Variants in SNRK observed in about 807,000 individuals in gnomAD.
SNRK encodes the protein SNF related kinase, also known as SNF-related serine/threonine-protein kinase.
SNRK carries 3 observed loss-of-function variants against 48.2 expected under a neutral mutation model. That is an observed-to-expected ratio of 0.06 (90% CI 0.03 to 0.16). The LOEUF is 0.16. SNRK is among the 10% of genes least tolerant of loss of function. The probability of loss-of-function intolerance (pLI) is 1.00; values close to 1 mark genes in which losing one functional copy is unlikely to be tolerated. For synonymous variants in SNRK, 376 were observed against 366.1 expected (o/e 1.03, Z -0.31); for missense variants, 627 against 976.0 (o/e 0.64, Z 4.76).
At chr3:43,310,138 C>T (rs1575540029) in intron 3 of SNRK, among the ~76,000 whole-genome samples, 1 of 152,026 alleles carries the variant, frequency 6.6e-6, no homozygotes, top group African/African-American at 2.4e-5. Flanking sequence ...AGCTGTATTT[C>T]GTGTCTAATC....
At chr3:43,341,867 T>C (rs1315035018) in intron 5 of SNRK, among the ~76,000 whole-genome samples, 1 of 152,244 alleles carries the variant, frequency 6.6e-6, no homozygotes, top group African/African-American at 2.4e-5. Context: ...GAAAGGTTTA[T>C]AAAAATAAAC....
intron 3 of SNRK, among the ~76,000 whole-genome samples, chr3:43,307,685 A>ATC (rs145070630): frequency 0.01 from 1,577 of 150,464 alleles, 25 homozygotes; most frequent in African/African-American, 0.035. Context: ...CCATTCCCCC[A>ATC]TCTCTCTCTC....
rs369553155 is a variant in SNRK, at chr3:43,326,480, G to C, written c.590-5689G>C. On this transcript the variant is annotated intron_variant, in intron 3 of 6. Transcript: ENST00000296088. The stretch of plus-strand genomic sequence containing the variant: ...TGCTCAACAGAAGGCCCTATTCTGT[G>C]CTCAAGGAGCTCCAAGTATTGGAGG... 7.9e-5 allele frequency among the ~76,000 whole-genome samples: 12 copies of C among 152,228 alleles called. No individual in the cohort carries two copies. The South Asian group carries it at 2.5e-3, about 32-fold the overall frequency.
intron 1 of SNRK, among the ~76,000 whole-genome samples, chr3:43,293,215 G>A (rs984604076): frequency 1.3e-5 from 2 of 152,084 alleles, no homozygotes; most frequent in African/African-American, 4.8e-5. Context: ...TGATCAGCCT[G>A]CCTCAGCTTC....
chr3:43,288,436 T>C (rs935756856), intron 1 of SNRK, among the ~76,000 whole-genome samples: 13 of 152,288 alleles, frequency 8.5e-5, no homozygotes, highest in African/African-American at 3.1e-4. Flanking sequence ...GTCTTTATGG[T>C]TTAGATTTAA....
At chr3:43,343,542 T>C in intron 6 of SNRK, 64 bp downstream of exon 6, 1 of 1,553,902 alleles carries the variant, frequency 6.4e-7, no homozygotes, top group Non-Finnish European at 8.8e-7. Context: ...ACTTTTTTTT[T>C]TTTTTTTAAT....
intron 1 of SNRK, among the ~76,000 whole-genome samples, chr3:43,291,333 C>T (rs1334595696): frequency 6.6e-6 from 1 of 152,140 alleles, no homozygotes; most frequent in African/African-American, 2.4e-5. Flanking sequence ...GAGAAAAGAA[C>T]ACCTCTTTTT....
intron 3 of SNRK, among the ~76,000 whole-genome samples, chr3:43,307,718 T>A (rs2090949209): frequency 6.6e-6 from 1 of 152,150 alleles, no homozygotes; most frequent in Admixed American, 6.5e-5. Flanking sequence ...TCTCTCTTCT[T>A]GGGCTTCCCT....
chr3:43,348,613 T>G lies in SNRK; in HGVS notation c.*56T>G. 6.9e-7 allele frequency: 1 copy of G among 1,452,280 alleles called. No individual in the cohort carries two copies. Among genetic ancestry groups the G allele is most frequent in the Non-Finnish European group, 9.0e-7 (1 of 1,105,450 alleles). The allele number at this position is 1,452,280 out of a possible 1,614,324, so 90.0% of individuals were successfully genotyped here. On this transcript the variant is annotated 3_prime_UTR_variant, in exon 7 of 7. Coordinates refer to ENST00000296088, the MANE Select transcript of SNRK (RefSeq NM_017719.5). ...CCTGCTCAGAGCAGTGAAGACCGGC[T>G]CACTTCACTGTTCCATTTGGTTTTA... is the stretch of plus-strand genomic sequence containing the variant.
chr3:43,310,778 C>T (rs1184959136), intron 3 of SNRK, among the ~76,000 whole-genome samples: 1 of 152,140 alleles, frequency 6.6e-6, no homozygotes, highest in African/African-American at 2.4e-5. Context: ...GACTAATTTT[C>T]TTTGTAGAAC....
chr3:43,289,914 C>T (rs1244349855), intron 1 of SNRK: 4 of 152,630 alleles, frequency 2.6e-5, no homozygotes, highest in African/African-American at 9.7e-5. Context: ...GTTCATCTAA[C>T]ATGTTTTAAG....
intron 3 of SNRK, among the ~76,000 whole-genome samples, chr3:43,318,617 CAAAA>C (rs1478932815): frequency 2.7e-5 from 4 of 150,212 alleles, no homozygotes; most frequent in Non-Finnish European, 5.9e-5. Context: ...GTTTGCAAGA[CAAAA>C]AAATCAGCAT....
At chr3:43,315,792 C>T (rs146468576) in intron 3 of SNRK, among the ~76,000 whole-genome samples, 30 of 152,288 alleles carry the variant, frequency 2.0e-4, no homozygotes, top group Admixed American at 7.2e-4. Context: ...TGTCAAGAAA[C>T]GAACAACGTA....
At chr3:43,315,497 T>G (rs1469255451) in intron 3 of SNRK, among the ~76,000 whole-genome samples, 1 of 152,198 alleles carries the variant, frequency 6.6e-6, no homozygotes, top group Non-Finnish European at 1.5e-5. Context: ...TTATATTACT[T>G]CCTCTTGTAC....
intron 3 of SNRK, among the ~76,000 whole-genome samples, chr3:43,324,508 CAAAA>C (rs11299310): frequency 6.2e-5 from 6 of 96,428 alleles, no homozygotes; most frequent in Admixed American, 9.9e-5. Flanking sequence ...GACTCTGTCT[CAAAA>C]AAAAAAAAAA....
rs78517457 is a variant in SNRK at position 43,302,372 on chromosome 3, G to A, written c.-106-726G>A. ...CCTCCTAAACATTTTGGAAAAAGTT[G>A]CATTTCAAAATTTAATAAGACAGTT... On this transcript the variant is annotated intron_variant, in intron 2 of 6. Transcript: ENST00000296088. Among the ~76,000 whole-genome samples, 1,378 of 152,246 alleles carry A rather than the reference G, an allele frequency of 9.1e-3. 9 individuals carry two copies. Among genetic ancestry groups the A allele is most frequent in the Non-Finnish European group, 0.015 (1,026 of 68,010 alleles).
intron 2 of SNRK, among the ~76,000 whole-genome samples, chr3:43,301,735 CTG>C (rs1251976999): frequency 3.9e-5 from 6 of 152,034 alleles, no homozygotes; most frequent in Non-Finnish European, 7.4e-5. Context: ...AAATGTGAAA[CTG>C]TATATTGAGA....
chr3:43,288,269 A>T (rs562004918), intron 1 of SNRK, among the ~76,000 whole-genome samples: 1 of 152,244 alleles, frequency 6.6e-6, no homozygotes, highest in South Asian at 2.1e-4. Flanking sequence ...TCAGTTTTTA[A>T]TTGTTCATTT....
chr3:43,298,110 T>G (rs1188788539), intron 1 of SNRK, among the ~76,000 whole-genome samples: 2 of 152,160 alleles, frequency 1.3e-5, no homozygotes, highest in Non-Finnish European at 2.9e-5. Flanking sequence ...TTTACCTATA[T>G]TAAGTCGTTT....
Sources: allele counts gnomAD v4.1 joint callset (sites outside exome capture counted in the v4.1 genomes callset), GRCh38; gene constraint gnomAD v4.1.1; transcripts MANE v1.5; gene names NCBI Gene and HGNC (gene_info 2026-07-23, HGNC 2026-07-21).